ARFGEF3: variants seen among roughly 807,000 people sequenced by gnomAD.
ARFGEF3 encodes ARFGEF family member 3, also known as brefeldin A-inhibited guanine nucleotide-exchange protein 3.
In ARFGEF3, 96 loss-of-function variants were observed where a neutral mutation model predicts 221.7. That is an observed-to-expected ratio of 0.43 (90% CI 0.37 to 0.51). ARFGEF3 has a LOEUF of 0.51. Among genes scored for constraint, ARFGEF3 ranks in the 20% least tolerant of loss-of-function variants. ARFGEF3 has a pLI of 0.00. For missense variants in ARFGEF3, 2,410 were observed against 2,789.9 expected, an observed-to-expected ratio of 0.86 and a Z score of 3.07; for synonymous variants, 1,145 against 1,126.8, an observed-to-expected ratio of 1.02 and a Z score of -0.32.
chr6:138,307,385 G>T lies in ARFGEF3; in HGVS notation c.3961G>T (p.Asp1321Tyr). 1 of 1,613,652 alleles carries T rather than the reference G, an allele frequency of 6.2e-7. No individual in the cohort carries two copies. Among genetic ancestry groups the T allele is most frequent in the Non-Finnish European group, 8.5e-7 (1 of 1,179,718 alleles). The change falls in exon 23 of 34, where the codon GAC becomes TAC. Residue 1321 changes from aspartate (D) to tyrosine (Y), a missense_variant. Transcript: ENST00000251691. ...KSEMKEYLVG[D>Y]YSMGKGQAPV... is the part of the protein sequence containing the mutation. Reference sequence around the variant, plus strand: ...AGAGATGAAGGAGTACCTGGTTGGTGACTACTCCATGGGTAAGAATGTTTG... The same window carrying T: ...AGAGATGAAGGAGTACCTGGTTGGTTACTACTCCATGGGTAAGAATGTTTG...
At chr6:138,169,171 C>T (rs1329214405) in intron 1 of ARFGEF3, among the ~76,000 whole-genome samples, 1 of 152,196 alleles carries the variant, frequency 6.6e-6, no homozygotes, top group East Asian at 1.9e-4. Flanking sequence ...GGGAGTGGAA[C>T]CTGGTTCTCT....
At chr6:138,193,082 C>G (rs1229523083) in intron 2 of ARFGEF3, among the ~76,000 whole-genome samples, 1 of 152,206 alleles carries the variant, frequency 6.6e-6, no homozygotes, top group Non-Finnish European at 1.5e-5. Context: ...CAAGACCCTT[C>G]AAAAGCTGGC....
At chr6:138,263,723 A>G in intron 12 of ARFGEF3, 112 bp downstream of exon 12, 2 of 1,033,340 alleles carry the variant, frequency 1.9e-6, no homozygotes, top group African/African-American at 1.6e-5. Flanking sequence ...ATATTAATGT[A>G]TCTTTGGGTT....
chr6:138,170,109 G>A (rs1255554158), intron 1 of ARFGEF3, among the ~76,000 whole-genome samples: 1 of 152,190 alleles, frequency 6.6e-6, no homozygotes, highest in Non-Finnish European at 1.5e-5. Context: ...CAATGGCAAA[G>A]TATTGAACAT....
chr6:138,190,442 T>G (rs1777281266), intron 2 of ARFGEF3, among the ~76,000 whole-genome samples: 1 of 152,156 alleles, frequency 6.6e-6, no homozygotes, highest in Non-Finnish European at 1.5e-5. Flanking sequence ...CGTGTGATTC[T>G]GAGCCTTAAA....
intron 2 of ARFGEF3, among the ~76,000 whole-genome samples, chr6:138,177,432 G>A (rs949286084): frequency 6.6e-6 from 1 of 151,914 alleles, no homozygotes; most frequent in Non-Finnish European, 1.5e-5. Flanking sequence ...TTTTACTTTA[G>A]ACAGTCTAAT....
At position 138,165,131 on chromosome 6, in the gene ARFGEF3, G is replaced by A. The variant is rs74534234; in HGVS notation, c.85+2960G>A. ...GGTCATCCCCCTCTGAGACCCTCATGAGAGAGAGGGGGCATCCCCGTCTGA... is the reference window on the plus strand; with the variant it reads ...GGTCATCCCCCTCTGAGACCCTCATAAGAGAGAGGGGGCATCCCCGTCTGA... On this transcript the variant is annotated intron_variant, in intron 1 of 33. Coordinates refer to ENST00000251691, the MANE Select transcript of ARFGEF3 (RefSeq NM_020340.5). Among the ~76,000 whole-genome samples the A allele has an allele frequency of 4.3e-3, 640 of 150,456 alleles. 4 individuals are homozygous for A. The highest frequency in any genetic ancestry group is 7.0e-3 in the Middle Eastern group (2 of 284).
chr6:138,336,274 T>G (rs1025070363), intron 33 of ARFGEF3, 21 bp from the exon 34 acceptor site: 2 of 1,477,552 alleles, frequency 1.4e-6, no homozygotes, highest in Non-Finnish European at 1.8e-6. Context: ...GCCACTGATT[T>G]TCTTAAATCT....
At chr6:138,182,429 G>C (rs776358339) in intron 2 of ARFGEF3, among the ~76,000 whole-genome samples, 1 of 152,158 alleles carries the variant, frequency 6.6e-6, no homozygotes, top group African/African-American at 2.4e-5. Flanking sequence ...ACCAATAAAG[G>C]ATTATGGATT....
At chr6:138,265,926 A>C (rs1778884731) in intron 12 of ARFGEF3, among the ~76,000 whole-genome samples, 1 of 151,836 alleles carries the variant, frequency 6.6e-6, no homozygotes, top group Non-Finnish European at 1.5e-5. Flanking sequence ...TTATAGATAC[A>C]GGGTATTGGC....
chr6:138,261,814 C>CT (rs1778802436), intron 11 of ARFGEF3, among the ~76,000 whole-genome samples, 175 bp downstream of exon 11: 1 of 152,056 alleles, frequency 6.6e-6, no homozygotes. Context: ...AATCATGGAA[C>CT]TTTTTATATT....
intron 2 of ARFGEF3, among the ~76,000 whole-genome samples, chr6:138,198,158 T>C (rs1264927052): frequency 1.3e-5 from 2 of 152,204 alleles, no homozygotes; most frequent in Admixed American, 6.5e-5. Context: ...TTATTTCTAC[T>C]AGATTGAATC....
At chr6:138,257,061 A>C (rs1583035029) in intron 10 of ARFGEF3, among the ~76,000 whole-genome samples, 1 of 152,206 alleles carries the variant, frequency 6.6e-6, no homozygotes, top group African/African-American at 2.4e-5. Flanking sequence ...GGTGTGAGCC[A>C]CCATGCCCAA....
chr6:138,191,610 T>C (rs954883940), intron 2 of ARFGEF3, among the ~76,000 whole-genome samples: 1 of 152,226 alleles, frequency 6.6e-6, no homozygotes, highest in Non-Finnish European at 1.5e-5. Context: ...CTACTAGTTA[T>C]AGATTGATAA....
intron 5 of ARFGEF3, 79 bp downstream of exon 5, chr6:138,229,931 GC>G (rs1778158987): frequency 2.6e-6 from 3 of 1,165,708 alleles, no homozygotes; most frequent in Middle Eastern, 1.9e-4. Flanking sequence ...GTGGAACTAA[GC>G]CCCAGCACTG....
Position 138,248,498 on chromosome 6 carries a change from T to C in ARFGEF3, c.665+2907T>C, listed in dbSNP as rs560237336. 2.1e-3 allele frequency among the ~76,000 whole-genome samples: 320 copies of C among 152,336 alleles called. 1 individual carries two copies. The highest frequency in any genetic ancestry group is 7.3e-3 in the African/African-American group (304 of 41,566). Reference sequence around the variant, plus strand: ...CACAAGCAAGGGAAAACTAATTAGCTAAACTTTTTTTCTGAGTAGTTTTCT... The same window carrying C: ...CACAAGCAAGGGAAAACTAATTAGCCAAACTTTTTTTCTGAGTAGTTTTCT... On this transcript the variant is annotated intron_variant, in intron 8 of 33. Transcript: ENST00000251691.
rs1044309725 is a variant in ARFGEF3 at position 138,209,774 on chromosome 6, G to C, written c.220-136G>C. On this transcript the variant is annotated intron_variant, in intron 3 of 33. Coordinates refer to ENST00000251691, the MANE Select transcript of ARFGEF3 (RefSeq NM_020340.5). Reference sequence around the variant, plus strand: ...ATTTTTCTTTTTAACGGCACATAGCGTAAGTTCTTTCTTAATGGCCTCCAG... The same window carrying C: ...ATTTTTCTTTTTAACGGCACATAGCCTAAGTTCTTTCTTAATGGCCTCCAG... 5 of 1,096,358 alleles carry C rather than the reference G, an allele frequency of 4.6e-6. No individual in the cohort carries two copies. The African/African-American group carries it at 7.9e-5, about 17-fold the overall frequency. The allele number at this position is 1,096,358 out of a possible 1,614,324, so 67.9% of individuals were successfully genotyped here.
intron 2 of ARFGEF3, among the ~76,000 whole-genome samples, chr6:138,187,687 C>G (rs1469557667): frequency 6.6e-6 from 1 of 152,220 alleles, no homozygotes; most frequent in East Asian, 1.9e-4. Context: ...TCTTTCAGTG[C>G]AGTTCCTGGT....
Position 138,291,785 on chromosome 6 carries a change from T to G in ARFGEF3, c.3100T>G (p.Ser1034Ala). The change falls in exon 19 of 34, where the codon TCG becomes GCG. Residue 1034 changes from serine to alanine, a missense_variant. By Grantham distance (99) the Ser-to-Ala change is moderately conservative. Around this residue, in one of 5 missense-constraint regions of ARFGEF3, gnomAD observed 184 missense variants for 141.8 expected, o/e 1.30. Transcript: ENST00000251691. This position sits in a 1 kb window ranked among gnomAD's most constrained non-coding sequence, Gnocchi z 4.5. Reference sequence around the variant, plus strand: ...GCACAACCACTTCAGCGATGGTGCCTCGCAGCCCCCTCTGACCATCAGCCA... The same window carrying G: ...GCACAACCACTTCAGCGATGGTGCCGCGCAGCCCCCTCTGACCATCAGCCA... Reference protein sequence around the residue: ...LEHNHFSDGASQPPLTISQPQ... With the variant: ...LEHNHFSDGAAQPPLTISQPQ... 6.8e-7 allele frequency: 1 copy of G among 1,467,160 alleles called. No homozygotes were observed. The highest frequency in any genetic ancestry group is 9.0e-7 in the Non-Finnish European group (1 of 1,108,286). 90.9% of individuals were successfully genotyped at this position (1,467,160 alleles called of 1,614,324 possible).
Sources: allele counts gnomAD v4.1 joint callset (sites outside exome capture counted in the v4.1 genomes callset), GRCh38; gene constraint gnomAD v4.1.1; regional missense constraint gnomAD v4.1.1; non-coding constraint Gnocchi (gnomAD v3.1); transcripts MANE v1.5; gene names NCBI Gene and HGNC (gene_info 2026-07-23, HGNC 2026-07-21).